Variants in GPATCH8 observed in about 807,000 individuals in gnomAD.
GPATCH8 encodes the protein G-patch domain containing 8, also known as G patch domain-containing protein 8.
In GPATCH8, 18 loss-of-function variants were observed where a neutral mutation model predicts 118.3. That is an observed-to-expected ratio of 0.15 (90% CI 0.11 to 0.23). GPATCH8 has a LOEUF of 0.23. GPATCH8 is among the 10% of genes least tolerant of loss of function. The pLI is 1.00. For missense variants in GPATCH8, 1,631 were observed against 1,873.8 expected (o/e 0.87, Z 2.39); for synonymous variants, 659 against 684.7 (o/e 0.96, Z 0.59).
chr17:44,428,767 G>A (rs76524030), intron 5 of GPATCH8, among the ~76,000 whole-genome samples: 5,981 of 152,014 alleles, frequency 0.039, 176 homozygotes, highest in Non-Finnish European at 0.059. Flanking sequence ...CACTGCCACC[G>A]CACTTCTAGG....
At chr17:44,426,547 T>C (rs1004547636) in intron 5 of GPATCH8, among the ~76,000 whole-genome samples, 4 of 130,866 alleles carry the variant, frequency 3.1e-5, no homozygotes, top group African/African-American at 8.7e-5. Flanking sequence ...GAGGCTGCAG[T>C]AAGCCAAGAT....
At chr17:44,453,500 G>GGGGTGTGTGTGTGT (rs1222816424) in intron 3 of GPATCH8, among the ~76,000 whole-genome samples, 3 of 142,702 alleles carry the variant, frequency 2.1e-5, no homozygotes, top group African/African-American at 8.1e-5. Context: ...GGTAGGTAGG[G>GGGGTGTGTGTGTGT]GTGTGTGTGT....
At chr17:44,496,343 T>C (rs1268855819) in intron 1 of GPATCH8, among the ~76,000 whole-genome samples, 2 of 152,250 alleles carry the variant, frequency 1.3e-5, no homozygotes, top group Non-Finnish European at 2.9e-5. Flanking sequence ...AATGTCATTA[T>C]TAAAATGTCA....
chr17:44,422,582 C>T (rs1018382948), intron 6 of GPATCH8, among the ~76,000 whole-genome samples: 1 of 151,890 alleles, frequency 6.6e-6, no homozygotes, highest in Non-Finnish European at 1.5e-5. Flanking sequence ...CTCCGCCTCC[C>T]GGGTTCACGC....
At position 44,399,365 on chromosome 17, in the gene GPATCH8, G is replaced by C. The variant is rs769651876; in HGVS notation, c.2712C>G (p.His904Gln). The C allele has an allele frequency of 1.9e-6, 3 of 1,614,180 alleles. No individual in the cohort carries two copies. The highest frequency in any genetic ancestry group is 2.5e-6 in the Non-Finnish European group (3 of 1,179,998). ...YSDYSDRSRR[H>Q]SKRSHDSDDS... The stretch of plus-strand genomic sequence containing the variant: ...CATCTGAGTCATGGGAGCGCTTGGA[G>C]TGCCTTCGTGATCTGTCACTGTAGT... Residue 904 changes from histidine to glutamine, a missense_variant, in exon 8 of 8, where the codon CAC (histidine) becomes CAG (glutamine). Transcript: ENST00000591680.
intron 1 of GPATCH8, among the ~76,000 whole-genome samples, chr17:44,475,238 G>A (rs1967647865): frequency 6.6e-6 from 1 of 151,760 alleles, no homozygotes; most frequent in Non-Finnish European, 1.5e-5. Flanking sequence ...AAATTAGCTG[G>A]CTGTGGTGGT....
At chr17:44,474,449 A>C (rs1209584570) in intron 2 of GPATCH8, 1 of 284,222 alleles carries the variant, frequency 3.5e-6, no homozygotes, top group Admixed American at 4.9e-5. Flanking sequence ...TATTCTACTT[A>C]TGTAGGAACA....
intron 1 of GPATCH8, 144 bp downstream of exon 1, chr17:44,503,182 T>C: frequency 1.3e-6 from 1 of 763,926 alleles, no homozygotes; most frequent in Middle Eastern, 2.3e-4. Flanking sequence ...GGGAGGCCTC[T>C]TGAGAAAGCA....
intron 1 of GPATCH8, among the ~76,000 whole-genome samples, chr17:44,480,972 T>C (rs937818065): frequency 1.3e-5 from 2 of 152,152 alleles, no homozygotes; most frequent in African/African-American, 4.8e-5. Context: ...AGTGGCACCA[T>C]CATGGCTCAC....
chr17:44,467,787 A>C (rs1966916536), intron 2 of GPATCH8, among the ~76,000 whole-genome samples: 1 of 151,804 alleles, frequency 6.6e-6, no homozygotes, highest in Admixed American at 6.6e-5. Flanking sequence ...AACACTCGTC[A>C]AAAATCCAAT....
intron 3 of GPATCH8, among the ~76,000 whole-genome samples, chr17:44,458,089 A>C (rs1052457589): frequency 5.2e-5 from 7 of 135,408 alleles, no homozygotes; most frequent in African/African-American, 1.3e-4. Context: ...ACTCCATTTC[A>C]AAAAAAAAAA....
intron 5 of GPATCH8, among the ~76,000 whole-genome samples, chr17:44,426,848 ACTCTCTCTCTCTCTCTCT>A: frequency 5.6e-5 from 2 of 35,468 alleles, no homozygotes; most frequent in South Asian, 1.3e-3. Flanking sequence ...ACACACACAC[ACTCTCTCTCTCTCTCTCT>A]CTCTCTCTCT....
chr17:44,501,647 A>G (rs546696746), intron 1 of GPATCH8, among the ~76,000 whole-genome samples: 20 of 152,296 alleles, frequency 1.3e-4, no homozygotes, highest in African/African-American at 4.6e-4. Context: ...AACAGCATTC[A>G]CACTCTGCTA....
intron 1 of GPATCH8, among the ~76,000 whole-genome samples, chr17:44,493,054 G>GTTTTTTTTT (rs398039127): frequency 0.058 from 7,234 of 124,038 alleles, 376 homozygotes; most frequent in African/African-American, 0.091. Context: ...AAGCCATTAG[G>GTTTTTTTTT]TTTTTTTTTT....
At chr17:44,464,937 T>A in intron 2 of GPATCH8, 1 of 178,074 alleles carries the variant, frequency 5.6e-6, no homozygotes, top group South Asian at 1.2e-4. Flanking sequence ...TTTAAGATTT[T>A]TTTTTTTTTA....
At chr17:44,476,724 T>C (rs1380946456) in intron 1 of GPATCH8, among the ~76,000 whole-genome samples, 1 of 152,192 alleles carries the variant, frequency 6.6e-6, no homozygotes, top group Non-Finnish European at 1.5e-5. Flanking sequence ...AAGCAACTAT[T>C]CCTCAAGATG....
chr17:44,459,739 AAAGC>A (rs1175081759), intron 3 of GPATCH8, among the ~76,000 whole-genome samples: 1 of 152,180 alleles, frequency 6.6e-6, no homozygotes, highest in Non-Finnish European at 1.5e-5. Context: ...GTTAAAAAAA[AAAGC>A]AAGACTTGAG....
intron 2 of GPATCH8, among the ~76,000 whole-genome samples, chr17:44,466,435 C>A (rs969121579): frequency 1.3e-5 from 2 of 152,076 alleles, no homozygotes; most frequent in Non-Finnish European, 2.9e-5. Flanking sequence ...TTGCTCTATA[C>A]CATTTGAAAG....
intron 5 of GPATCH8, among the ~76,000 whole-genome samples, chr17:44,425,749 G>A (rs1265273650): frequency 6.6e-6 from 1 of 152,026 alleles, no homozygotes; most frequent in Non-Finnish European, 1.5e-5. Context: ...AGCTGGTCAT[G>A]AACTCCTGGG....
Sources: gnomAD v4.1 joint callset for allele counts (sites outside exome capture counted in the v4.1 genomes callset) on GRCh38, gnomAD v4.1.1 for gene constraint, MANE v1.5 for transcripts, NCBI Gene and HGNC (gene_info 2026-07-23, HGNC 2026-07-21) for gene names.